AGPAT2: variants seen among roughly 807,000 people sequenced by gnomAD.
The protein encoded by AGPAT2 is 1-acyl-sn-glycerol-3-phosphate acyltransferase beta.
Under a neutral mutation model 26.1 loss-of-function variants are expected in AGPAT2, and 18 were observed. That is an observed-to-expected ratio of 0.69 (90% CI 0.48 to 1.02). The LOEUF is 1.02. Among genes scored for constraint, AGPAT2 ranks in the 50% least tolerant of loss-of-function variants. The pLI is 0.00. For missense variants in AGPAT2, 415 were observed against 394.9 expected (o/e 1.05, Z -0.43); for synonymous variants, 200 against 174.2 (o/e 1.15, Z -1.16).
At chr9:136,679,056 T>C (rs944339082) in intron 1 of AGPAT2, among the ~76,000 whole-genome samples, 3 of 151,626 alleles carry the variant, frequency 2.0e-5, no homozygotes, top group Admixed American at 6.6e-5. Context: ...GCCCGGCCTT[T>C]AAAAAAAAAT....
chr9:136,678,589 C>T (rs555073395), intron 1 of AGPAT2, among the ~76,000 whole-genome samples: 17 of 152,324 alleles, frequency 1.1e-4, no homozygotes, highest in African/African-American at 4.1e-4. Flanking sequence ...CCTCTCCATG[C>T]AGACTAGTGC....
chr9:136,676,242 C>A (rs182404118), intron 4 of AGPAT2, among the ~76,000 whole-genome samples: 154 of 152,308 alleles, frequency 1.0e-3, no homozygotes, highest in Admixed American at 1.0e-3. Flanking sequence ...CAGCCAGGCA[C>A]AGGCCCAGAA....
At chr9:136,677,628 G>A in intron 1 of AGPAT2, 72 bp from the exon 2 acceptor site, 3 of 1,594,066 alleles carry the variant, frequency 1.9e-6, no homozygotes, top group South Asian at 2.2e-5. Context: ...AAGGCCTGGG[G>A]GTGGGGTGTG....
At position 136,680,926 on chromosome 9, in the gene AGPAT2, A is replaced by T. The variant is rs140927049; in HGVS notation, c.183-3370T>A. Among the ~76,000 whole-genome samples the T allele has an allele frequency of 2.0e-4, 30 of 152,082 alleles. 1 individual carries two copies. In the East Asian group the frequency reaches 5.6e-3, roughly 28 times the overall value. ...ATGATCCGCCCGCCTCGGCCTCCCA[A>T]AGTGCTGGGATGACAGGAAGGAGCC... On this transcript the variant is annotated intron_variant, in intron 1 of 5. Transcript: ENST00000371696.
intron 1 of AGPAT2, 51 bp downstream of exon 1, chr9:136,687,125 C>G: frequency 6.5e-7 from 1 of 1,535,216 alleles, no homozygotes; most frequent in East Asian, 2.5e-5. Context: ...GTTAGGGAAG[C>G]GGAAGCGGCG....
chr9:136,687,222 G>C lies in AGPAT2; in HGVS notation c.136C>G (p.Leu46Val). The change falls in exon 1 of 6, where the codon CTC (leucine) becomes GTC (valine). Residue 46 changes from leucine (L) to valine (V), a missense_variant. Leu to Val is a conservative substitution (Grantham distance 32). Coordinates refer to ENST00000371696, the MANE Select transcript of AGPAT2 (RefSeq NM_006412.4). Reference sequence around the variant, plus strand: ...CCGCCGTGGCGCAGCAGGCAGACGAGCGAGGCCACGGCGGACACCGTGAAG... The same window carrying C: ...CCGCCGTGGCGCAGCAGGCAGACGACCGAGGCCACGGCGGACACCGTGAAG... Reference protein sequence around the residue: ...LCFTVSAVASLVCLLRHGGRT... With the variant: ...LCFTVSAVASVVCLLRHGGRT... The C allele has an allele frequency of 6.3e-7, 1 of 1,594,236 alleles. No individual in the cohort carries two copies. The highest frequency in any genetic ancestry group is 8.5e-7 in the Non-Finnish European group (1 of 1,174,588).
intron 1 of AGPAT2, among the ~76,000 whole-genome samples, chr9:136,677,810 TAGG>T (rs1016969244): frequency 2.6e-5 from 4 of 152,030 alleles, no homozygotes; most frequent in African/African-American, 9.7e-5. Flanking sequence ...ACTCGGATGC[TAGG>T]AGCATGGGAA....
rs367570912 is a variant in AGPAT2, at chr9:136,676,204, C to T, written c.588+381G>A. On this transcript the variant is annotated intron_variant, in intron 4 of 5. Transcript: ENST00000371696. Reference sequence around the variant, plus strand: ...ACACCAAAAGCCTGGCTTGTCCAGACCCACTGCCCATGCCCTGAAGCCCAC... The same window carrying T: ...ACACCAAAAGCCTGGCTTGTCCAGATCCACTGCCCATGCCCTGAAGCCCAC... 4.2e-4 allele frequency among the ~76,000 whole-genome samples: 64 copies of T among 152,310 alleles called. 2 individuals are homozygous for T. The highest frequency in any genetic ancestry group is 1.5e-3 in the African/African-American group (62 of 41,576).
Position 136,684,988 on chromosome 9 carries a change from G to A in AGPAT2, c.182+2188C>T, listed in dbSNP as rs1266713635. 2.0e-5 allele frequency among the ~76,000 whole-genome samples: 3 copies of A among 152,254 alleles called. No homozygotes were observed. In the East Asian group the frequency reaches 5.8e-4, roughly 29 times the overall value. ...TCCCGACGGCCCCCACGGAGGGAAC[G>A]CACGTTCGCAACAGCCCCACTCTTA... On this transcript the variant is annotated intron_variant, in intron 1 of 5. Coordinates refer to ENST00000371696, the MANE Select transcript of AGPAT2 (RefSeq NM_006412.4).
intron 1 of AGPAT2, among the ~76,000 whole-genome samples, chr9:136,684,476 C>G (rs150362700): frequency 0.01 from 1,543 of 152,336 alleles, 31 homozygotes; most frequent in African/African-American, 0.036. Context: ...CTCAGAGGTT[C>G]TAGTCCCATC....
Position 136,674,742 on chromosome 9 carries a change from G to C in AGPAT2, c.654C>G (p.Phe218Leu). ...GCACACATGTGGGGGTACCTGAAGT[G>C]AAGAACTTCTTCTTGGTGTTGTAGA... ...SSFYNTKKKF[F>L]TSGTVTVQVL... The change falls in exon 5 of 6, where the codon TTC becomes TTG. Residue 218 changes from phenylalanine to leucine, a missense_variant. Phe to Leu is a conservative substitution (Grantham distance 22). Coordinates refer to ENST00000371696, the MANE Select transcript of AGPAT2 (RefSeq NM_006412.4). The C allele has an allele frequency of 6.7e-7, 1 of 1,501,034 alleles. No individual in the cohort carries two copies. The highest frequency in any genetic ancestry group is 1.4e-5 in the African/African-American group (1 of 70,526). 93.0% of individuals were successfully genotyped at this position (1,501,034 alleles called of 1,614,324 possible). A position where few individuals can be genotyped will look rare whatever the true frequency, so the allele number is the denominator to read the frequency against.
intron 1 of AGPAT2, among the ~76,000 whole-genome samples, chr9:136,685,795 C>T (rs1219328084): frequency 6.6e-6 from 1 of 152,176 alleles, no homozygotes; most frequent in African/African-American, 2.4e-5. Flanking sequence ...CTCACAGAGA[C>T]CCCTGCCTAC....
intron 1 of AGPAT2, among the ~76,000 whole-genome samples, chr9:136,685,184 G>A (rs897902680): frequency 6.6e-6 from 1 of 152,232 alleles, no homozygotes; most frequent in Non-Finnish European, 1.5e-5. Flanking sequence ...CCTGCTGTTA[G>A]TAGCCAGTGT....
intron 1 of AGPAT2, among the ~76,000 whole-genome samples, chr9:136,685,128 C>T (rs1249189614): frequency 1.3e-5 from 2 of 152,218 alleles, no homozygotes; most frequent in Non-Finnish European, 2.9e-5. Context: ...ACTGCCCTGC[C>T]CTCTGGCCCT....
At chr9:136,675,225 G>A (rs1296128714) in intron 4 of AGPAT2, among the ~76,000 whole-genome samples, 2 of 152,140 alleles carry the variant, frequency 1.3e-5, no homozygotes, top group Non-Finnish European at 2.9e-5. Flanking sequence ...CCCGGGGGAG[G>A]GGTGGAGCCT....
Position 136,677,099 on chromosome 9 carries a change from G to C in AGPAT2, c.354C>G (p.Ile118Met). The C allele has an allele frequency of 6.2e-7, 1 of 1,613,172 alleles. No individual in the cohort carries two copies. The highest frequency in any genetic ancestry group is 8.5e-7 in the Non-Finnish European group (1 of 1,180,000). ...CCAGGAAGAGCAGCTCCCGCTTGGC[G>C]ATCTGCACGCAGCGCTCCGGAAGGA... The part of the protein sequence containing the change: ...MEVLPERCVQ[I>M]AKRELLFLGP... The change falls in exon 3 of 6, where the codon ATC becomes ATG. Residue 118 changes from isoleucine to methionine, a missense_variant. By Grantham distance (10) the Ile-to-Met change is conservative. Coordinates refer to ENST00000371696, the MANE Select transcript of AGPAT2 (RefSeq NM_006412.4).
chr9:136,679,146 G>C (rs970407593), intron 1 of AGPAT2, among the ~76,000 whole-genome samples: 1 of 152,182 alleles, frequency 6.6e-6, no homozygotes, highest in African/African-American at 2.4e-5. Flanking sequence ...GGGCACATTC[G>C]GTGTCTAGCA....
At chr9:136,674,848 C>T in intron 4 of AGPAT2, 41 bp from the exon 5 acceptor site, 2 of 1,456,572 alleles carry the variant, frequency 1.4e-6, no homozygotes, top group South Asian at 2.8e-5. Flanking sequence ...GCCCTGGGGA[C>T]AGGCCAGGCA....
rs770744876 is a variant in AGPAT2 at position 136,674,727 on chromosome 9, G to T, written c.661+8C>A. 3.4e-6 allele frequency: 5 copies of T among 1,481,818 alleles called. No individual in the cohort carries two copies. The highest frequency in any genetic ancestry group is 2.8e-5 in the South Asian group (2 of 71,118). The allele number at this position is 1,481,818 out of a possible 1,614,324, so 91.8% of individuals were successfully genotyped here. ...GCCTACACCCCGGGTGCACACATGT[G>T]GGGGTACCTGAAGTGAAGAACTTCT... On this transcript the variant is annotated splice_region_variant and intron_variant, in intron 5 of 5. Coordinates refer to ENST00000371696, the MANE Select transcript of AGPAT2 (RefSeq NM_006412.4).
Sources: gnomAD v4.1 joint callset for allele counts (sites outside exome capture counted in the v4.1 genomes callset) on GRCh38, gnomAD v4.1.1 for gene constraint, MANE v1.5 for transcripts, NCBI Gene and HGNC (gene_info 2026-07-23, HGNC 2026-07-21) for gene names.